Variants in KRT86 observed in about 807,000 individuals in gnomAD.
KRT86 encodes the protein keratin, type II cuticular Hb6.
A neutral mutation model predicts 41.2 loss-of-function variants in KRT86; 30 were observed. The observed-to-expected ratio is 0.73, with a 90% confidence interval of 0.54 to 0.99. The LOEUF is 0.99. Among genes scored for constraint, KRT86 ranks in the 50% least tolerant of loss-of-function variants. The pLI, the probability that KRT86 is intolerant of heterozygous loss-of-function variation, is 0.00. For missense variants in KRT86, 561 were observed against 571.4 expected (o/e 0.98, Z 0.19); for synonymous variants, 238 against 238.1 (o/e 1.00, Z 0.00).
Position 52,291,409 on chromosome 12 carries a change from C to T in KRT86, c.-4-10504C>T, listed in dbSNP as rs771258593. The T allele has an allele frequency of 5.3e-5, 85 of 1,611,028 alleles. 2 individuals are homozygous for T. In the South Asian group the frequency reaches 9.4e-4, roughly 18 times the overall value. ...TGATGCAGCAGCGGCCGGGCCGCGGCCCGCAGGCCGAGATGCAGCTGAAGG... is the reference window on the plus strand; with the variant it reads ...TGATGCAGCAGCGGCCGGGCCGCGGTCCGCAGGCCGAGATGCAGCTGAAGG... On this transcript the variant is annotated intron_variant, in intron 2 of 10. Transcript: ENST00000423955.
In KRT86 at chr12:52,308,261, G is replaced by A; in HGVS notation, c.1276G>A (p.Val426Ile). Residue 426 changes from valine (V) to isoleucine (I), a missense_variant, in exon 10 of 11, where the codon GTC becomes ATC. Physicochemically the swap from Val to Ile is conservative, Grantham distance 29 (BLOSUM62 3). Transcript: ENST00000423955. Reference protein sequence around the residue: ...RLCEGVGSVNVCVSSSRGGVV... With the variant: ...RLCEGVGSVNICVSSSRGGVV... ...GTGCGAGGGCGTCGGCTCGGTGAAT[G>A]TCTGTAAGTAGTGGGGTCCGTCCCC... is the stretch of plus-strand genomic sequence containing the variant. 1 of 1,614,204 alleles carries A rather than the reference G, an allele frequency of 6.2e-7. No homozygotes were observed. The highest frequency in any genetic ancestry group is 8.5e-7 in the Non-Finnish European group (1 of 1,180,048).
At chr12:52,292,783 A>G (rs1052955963) in intron 2 of KRT86, among the ~76,000 whole-genome samples, 9 of 152,252 alleles carry the variant, frequency 5.9e-5, no homozygotes, top group Non-Finnish European at 8.8e-5. Context: ...TTCATAAAAT[A>G]TGCTGTGTAA....
chr12:52,296,370 C>A (rs1938249318), intron 2 of KRT86, among the ~76,000 whole-genome samples: 1 of 152,066 alleles, frequency 6.6e-6, no homozygotes, highest in Non-Finnish European at 1.5e-5. Flanking sequence ...AGCACAGCAC[C>A]AAGGGAAAGT....
intron 2 of KRT86, chr12:52,285,883 A>C: frequency 3.3e-6 from 1 of 300,636 alleles, no homozygotes; most frequent in Non-Finnish European, 6.4e-6. Context: ...ACCCCTGAGG[A>C]GGGTAATAGA....
chr12:52,277,614 A>T (rs138925507), intron 2 of KRT86: 1 of 152,494 alleles, frequency 6.6e-6, no homozygotes, highest in African/African-American at 2.4e-5. Context: ...CCCTGCAGCG[A>T]GCTAAGCAGG....
At chr12:52,295,675 C>G (rs1938233116) in intron 2 of KRT86, among the ~76,000 whole-genome samples, 1 of 152,134 alleles carries the variant, frequency 6.6e-6, no homozygotes, top group Non-Finnish European at 1.5e-5. Context: ...AATGGAAACC[C>G]TGCAGCACAT....
At chr12:52,306,522 G>A in intron 9 of KRT86, 1 of 656,096 alleles carries the variant, frequency 1.5e-6, no homozygotes. Context: ...TCTGGCAGCA[G>A]GTATTCCTGT....
At chr12:52,286,700 TATTCAATC>T (rs1417031824) in intron 2 of KRT86, 358 of 1,409,734 alleles carry the variant, frequency 2.5e-4, no homozygotes, top group Non-Finnish European at 3.5e-4. Context: ...CACTCTTTTA[TATTCAATC>T]TCAGTAACAC....
chr12:52,286,593 C>A, intron 2 of KRT86: 1 of 1,337,100 alleles, frequency 7.5e-7, no homozygotes, highest in South Asian at 1.3e-5. Flanking sequence ...TATGAAAAGT[C>A]AGAAGCATCT....
chr12:52,283,598 C>A (rs1321970106), intron 2 of KRT86, among the ~76,000 whole-genome samples: 1 of 150,660 alleles, frequency 6.6e-6, no homozygotes, highest in Non-Finnish European at 1.5e-5. Flanking sequence ...CCTGTCTCAG[C>A]CTCCCAAGTA....
Position 52,305,397 on chromosome 12 carries a change from G to T in KRT86, c.893G>T (p.Arg298Leu). ...CGGGCTGAGGCCGAGTCCTGGTACC[G>T]CAGCAAGGTGAGTGGCACAGGACAC... The part of the protein sequence containing the change: ...RSRAEAESWY[R>L]SKCEEMKATV... The change falls in exon 7 of 11, where the codon CGC becomes CTC. Residue 298 changes from arginine to leucine, a missense_variant. By Grantham distance (102) the Arg-to-Leu change is moderately radical (BLOSUM62 -2). Around this residue, in one of 3 missense-constraint regions of KRT86, gnomAD observed 397 missense variants for 375.9 expected, o/e 1.06. Transcript: ENST00000423955. 6.2e-7 allele frequency: 1 copy of T among 1,614,156 alleles called. No individual in the cohort carries two copies. The highest frequency in any genetic ancestry group is 8.5e-7 in the Non-Finnish European group (1 of 1,179,996).
At chr12:52,305,465 A>G (rs1938488562) in intron 7 of KRT86, 61 bp downstream of exon 7, 3 of 1,613,038 alleles carry the variant, frequency 1.9e-6, no homozygotes, top group Middle Eastern at 3.3e-4. Context: ...GAGATTATCT[A>G]TTAAATAGGC....
chr12:52,275,624 C>T (rs1388862738), intron 1 of KRT86, among the ~76,000 whole-genome samples, 197 bp from the exon 2 acceptor site: 1 of 152,154 alleles, frequency 6.6e-6, no homozygotes, highest in African/African-American at 2.4e-5. Flanking sequence ...ATCTTCTGGC[C>T]CCATGGGCAC....
intron 2 of KRT86, chr12:52,291,387 T>G: frequency 4.4e-6 from 7 of 1,607,776 alleles, no homozygotes; most frequent in Non-Finnish European, 5.1e-6. Context: ...GCGGCGGTGA[T>G]GCAGCAGCGG....
In KRT86 at chr12:52,304,950, C is replaced by G. The variant is rs976814490; in HGVS notation, c.658C>G (p.Leu220Val). ...TTTCCAGGATGTGGACTGCGCCTAC[C>G]TCCGCAAATCAGACCTGGAGGCCAA... Reference protein sequence around the residue: ...ALKKDVDCAYLRKSDLEANVE... With the variant: ...ALKKDVDCAYVRKSDLEANVE... Residue 220 changes from leucine (L) to valine (V), a missense_variant, in exon 6 of 11, where the codon CTC (leucine) becomes GTC (valine). By Grantham distance (32) the Leu-to-Val change is conservative (BLOSUM62 1). This residue lies in a region of KRT86 where 397 missense variants were observed against 375.9 expected (regional missense o/e 1.06). Coordinates refer to ENST00000423955, the MANE Select transcript of KRT86 (RefSeq NM_001320198.2). 6.2e-7 allele frequency: 1 copy of G among 1,614,058 alleles called. No homozygotes were observed.
At chr12:52,304,889 G>GA in intron 5 of KRT86, 43 bp from the exon 6 acceptor site, 2 of 1,603,158 alleles carry the variant, frequency 1.2e-6, no homozygotes, top group Non-Finnish European at 1.7e-6. Flanking sequence ...CTAGAGGCTG[G>GA]ATCACCAGGG....
At chr12:52,284,530 G>A (rs752489538) in intron 2 of KRT86, among the ~76,000 whole-genome samples, 4 of 152,182 alleles carry the variant, frequency 2.6e-5, no homozygotes, top group African/African-American at 4.8e-5. Context: ...CAGCATACAG[G>A]GCTGGTTGGA....
intron 6 of KRT86, 55 bp from the exon 7 acceptor site, chr12:52,305,185 A>G: frequency 2.5e-6 from 4 of 1,613,630 alleles, no homozygotes; most frequent in Non-Finnish European, 3.4e-6. Flanking sequence ...TGGAGTCAGG[A>G]CATGGTGGGT....
intron 2 of KRT86, chr12:52,288,085 G>C (rs754179104): frequency 6.2e-7 from 1 of 1,613,972 alleles, no homozygotes; most frequent in Non-Finnish European, 8.5e-7. Context: ...TTCAGGTCCC[G>C]GCTGTTGTCC....
Sources: allele counts gnomAD v4.1 joint callset (sites outside exome capture counted in the v4.1 genomes callset), GRCh38; gene constraint gnomAD v4.1.1; regional missense constraint gnomAD v4.1.1; transcripts MANE v1.5; gene names NCBI Gene and HGNC (gene_info 2026-07-23, HGNC 2026-07-21).